DNAH11: variants seen among roughly 807,000 people sequenced by gnomAD.
DNAH11 encodes dynein axonemal heavy chain 11.
DNAH11 carries 442 observed loss-of-function variants against 526.0 expected under a neutral mutation model. That is an observed-to-expected ratio of 0.84 (90% CI 0.78 to 0.91). DNAH11 has a LOEUF of 0.91. Ranked by LOEUF, DNAH11 falls within the 40% of genes least tolerant of loss-of-function variation. The probability of loss-of-function intolerance (pLI) is 0.00; values close to 1 mark genes in which losing one functional copy is unlikely to be tolerated. For missense variants in DNAH11, 6,989 were observed against 5,448.7 expected (o/e 1.28, Z -8.90); for synonymous variants, 2,461 against 1,935.9 (o/e 1.27, Z -7.12).
chr7:21,792,622 T>C (rs776225554), intron 61 of DNAH11, among the ~76,000 whole-genome samples: 22 of 152,186 alleles, frequency 1.4e-4, no homozygotes, highest in Non-Finnish European at 2.5e-4. Flanking sequence ...TCAATCTTGG[T>C]AGAGTGTATA....
Position 21,773,787 on chromosome 7 carries a change from A to G in DNAH11, c.9124A>G (p.Ser3042Gly). ...GIEPVHKDSI[S>G]LFMAHVHTTV... ...TCAGCCAGTGCACAAAGACTCTATT[A>G]GCCTTTTCATGGCACATGTTCACAC... The change falls in exon 56 of 82, where the codon AGC becomes GGC. Residue 3042 changes from serine to glycine, a missense_variant. Coordinates refer to ENST00000409508, the MANE Select transcript of DNAH11 (RefSeq NM_001277115.2). 2.5e-6 allele frequency: 4 copies of G among 1,601,648 alleles called. No individual in the cohort carries two copies. Among genetic ancestry groups the G allele is most frequent in the Non-Finnish European group, 3.4e-6 (4 of 1,174,370 alleles).
chr7:21,630,013 A>G (rs1786528804), intron 25 of DNAH11, among the ~76,000 whole-genome samples: 1 of 151,736 alleles, frequency 6.6e-6, no homozygotes, highest in African/African-American at 2.4e-5. Flanking sequence ...GCCTTCCTTT[A>G]TTGTTAAGTG....
At chr7:21,617,203 A>C (rs1312426851) in intron 22 of DNAH11, among the ~76,000 whole-genome samples, 2 of 152,362 alleles carry the variant, frequency 1.3e-5, no homozygotes, top group East Asian at 3.9e-4. Context: ...AGAAACAGGC[A>C]CTCAAAGGTA....
Position 21,899,969 on chromosome 7 carries a change from T to C in DNAH11, c.13163-11T>C. 3 of 1,612,668 alleles carry C rather than the reference T, an allele frequency of 1.9e-6. No individual in the cohort carries two copies. The highest frequency in any genetic ancestry group is 2.5e-6 in the Non-Finnish European group (3 of 1,179,532). On this transcript the variant is annotated splice_polypyrimidine_tract_variant and intron_variant, in intron 80 of 81. Transcript: ENST00000409508. ...CTTTTATCCTATTCAATTTTTGTTA[T>C]ATTTCCAAAGCAATCATGCAGACGA...
chr7:21,551,046 A>G (rs1364204255), intron 2 of DNAH11, among the ~76,000 whole-genome samples: 1 of 152,120 alleles, frequency 6.6e-6, no homozygotes, highest in African/African-American at 2.4e-5. Context: ...CATAATTCCT[A>G]AGTATTGCAT....
chr7:21,737,386 C>T (rs1277931847), intron 46 of DNAH11, among the ~76,000 whole-genome samples: 1 of 152,016 alleles, frequency 6.6e-6, no homozygotes, highest in Non-Finnish European at 1.5e-5. Flanking sequence ...AAAACTGGGA[C>T]AATCCCAGGC....
chr7:21,715,171 A>G (rs778649669), intron 42 of DNAH11, among the ~76,000 whole-genome samples: 2 of 152,212 alleles, frequency 1.3e-5, no homozygotes, highest in African/African-American at 2.4e-5. Context: ...GCTTGCTCTA[A>G]GGGTAGACTT....
chr7:21,769,979 A>T (rs1208486971), intron 55 of DNAH11, among the ~76,000 whole-genome samples: 1 of 152,180 alleles, frequency 6.6e-6, no homozygotes, highest in Non-Finnish European at 1.5e-5. Context: ...AAAAAGCATA[A>T]GCAAATAACA....
At chr7:21,780,111 G>A (rs892328497) in intron 57 of DNAH11, among the ~76,000 whole-genome samples, 1 of 143,674 alleles carries the variant, frequency 7.0e-6, no homozygotes, top group Non-Finnish European at 1.5e-5. Context: ...AACTCTAAAA[G>A]GACAGTTTTA....
At chr7:21,598,791 A>G (rs531515806) in intron 14 of DNAH11, among the ~76,000 whole-genome samples, 4 of 152,034 alleles carry the variant, frequency 2.6e-5, no homozygotes, top group African/African-American at 9.7e-5. Flanking sequence ...CTATGTGTCC[A>G]TGTGTTCTCA....
chr7:21,899,500 C>T lies in DNAH11; in HGVS notation c.13162+52C>T, dbSNP rs1583826388. The T allele has an allele frequency of 2.9e-5, 40 of 1,400,678 alleles. 1 individual carries two copies. The South Asian group carries it at 4.1e-4, about 14-fold the overall frequency. The allele number at this position is 1,400,678 out of a possible 1,614,324, so 86.8% of individuals were successfully genotyped here. ...GATGCACACAGGACCACAGCCTAAC[C>T]AGAAGCCCTGCTTTGTTTACCTATG... is the stretch of plus-strand genomic sequence containing the variant. On this transcript the variant is annotated intron_variant, in intron 80 of 81. Coordinates refer to ENST00000409508, the MANE Select transcript of DNAH11 (RefSeq NM_001277115.2).
At chr7:21,808,082 G>T in intron 63 of DNAH11, 33 bp downstream of exon 63, 1 of 1,369,114 alleles carries the variant, frequency 7.3e-7, no homozygotes, top group African/African-American at 1.4e-5. Flanking sequence ...TCAGCAGGTA[G>T]AAAGATCACA....
intron 68 of DNAH11, among the ~76,000 whole-genome samples, chr7:21,857,903 A>G (rs141697314): frequency 6.6e-6 from 1 of 152,322 alleles, no homozygotes; most frequent in East Asian, 1.9e-4. Flanking sequence ...TTAGGACACA[A>G]TAGAAAATAA....
chr7:21,668,081 A>G (rs890958473), intron 30 of DNAH11, among the ~76,000 whole-genome samples: 1 of 152,154 alleles, frequency 6.6e-6, no homozygotes, highest in Non-Finnish European at 1.5e-5. Context: ...TGATAGAAAA[A>G]CCACACAAAG....
At chr7:21,664,387 T>C (rs6461593) in intron 30 of DNAH11, among the ~76,000 whole-genome samples, 33,613 of 151,748 alleles carry the variant, frequency 0.22, 4,654 homozygotes, top group African/African-American at 0.39. Flanking sequence ...AGCAAATGTC[T>C]CTACAGTGTA....
At chr7:21,885,754 A>G (rs552767545) in intron 76 of DNAH11, among the ~76,000 whole-genome samples, 133 of 152,274 alleles carry the variant, frequency 8.7e-4, no homozygotes, top group African/African-American at 3.1e-3. Flanking sequence ...GTGTCAGTTA[A>G]AAAGACAAGT....
At chr7:21,710,485 G>T in intron 40 of DNAH11, 68 bp from the exon 41 acceptor site, 5 of 1,413,308 alleles carry the variant, frequency 3.5e-6, no homozygotes, top group Non-Finnish European at 3.8e-6. Context: ...GTTAATAAAA[G>T]AGCTTCCAAG....
chr7:21,715,549 A>G (rs973774611), intron 42 of DNAH11, among the ~76,000 whole-genome samples: 2 of 152,164 alleles, frequency 1.3e-5, no homozygotes, highest in African/African-American at 4.8e-5. Context: ...GCCATTTTCA[A>G]TTGTATGTAA....
intron 6 of DNAH11, among the ~76,000 whole-genome samples, chr7:21,567,248 A>G (rs1783707667): frequency 1.1e-4 from 16 of 152,108 alleles, no homozygotes; most frequent in Admixed American, 1.0e-3. Flanking sequence ...TTAAATTTGT[A>G]CCTTGCATGA....
Sources: allele counts gnomAD v4.1 joint callset (sites outside exome capture counted in the v4.1 genomes callset), GRCh38; gene constraint gnomAD v4.1.1; transcripts MANE v1.5; gene names NCBI Gene and HGNC (gene_info 2026-07-23, HGNC 2026-07-21).